UGT2A2: variants seen among roughly 807,000 people sequenced by gnomAD.
The protein encoded by UGT2A2 is UDP glucuronosyltransferase family 2 member A2.
Under a neutral mutation model 50.7 loss-of-function variants are expected in UGT2A2, and 60 were observed. The ratio of observed to expected loss-of-function variants is 1.18; its 90% CI spans 0.96 to 1.47. UGT2A2 has a LOEUF of 1.47. UGT2A2 is among the 40% of genes most tolerant of loss of function. UGT2A2 has a pLI of 0.00. For missense variants in UGT2A2, 762 were observed against 634.0 expected (o/e 1.20, Z -2.17); for synonymous variants, 242 against 214.6 (o/e 1.13, Z -1.11).
At chr4:69,630,646 A>G (rs1015465641) in intron 1 of UGT2A2, among the ~76,000 whole-genome samples, 16 of 152,180 alleles carry the variant, frequency 1.1e-4, no homozygotes, top group Non-Finnish European at 2.4e-4. Flanking sequence ...TTAAAATGAG[A>G]CATGTACTTT....
chr4:69,600,594 C>T (rs1719223574), intron 1 of UGT2A2, among the ~76,000 whole-genome samples: 1 of 152,120 alleles, frequency 6.6e-6, no homozygotes, highest in Non-Finnish European at 1.5e-5. Context: ...CTCTTATTCC[C>T]ATAAAGAAAT....
intron 1 of UGT2A2, among the ~76,000 whole-genome samples, chr4:69,601,597 C>G (rs1289232382): frequency 6.6e-6 from 1 of 152,110 alleles, no homozygotes; most frequent in Non-Finnish European, 1.5e-5. Context: ...TTTGGGTAAC[C>G]AGGAGGTCCT....
At chr4:69,609,229 T>A (rs558362433) in intron 1 of UGT2A2, among the ~76,000 whole-genome samples, 1 of 151,862 alleles carries the variant, frequency 6.6e-6, no homozygotes, top group Non-Finnish European at 1.5e-5. Flanking sequence ...CACAGCTCAC[T>A]GCAGCCTTGA....
At chr4:69,622,926 T>G (rs1720834199) in intron 1 of UGT2A2, among the ~76,000 whole-genome samples, 1 of 151,864 alleles carries the variant, frequency 6.6e-6, no homozygotes, top group African/African-American at 2.4e-5. Flanking sequence ...AATTAGGTCT[T>G]GGCTATAATT....
chr4:69,606,069 T>C (rs1371149329), intron 1 of UGT2A2, among the ~76,000 whole-genome samples: 1 of 136,628 alleles, frequency 7.3e-6, no homozygotes, highest in Non-Finnish European at 1.6e-5. Flanking sequence ...CTTAAATCAT[T>C]TTATGAGTCC....
intron 1 of UGT2A2, among the ~76,000 whole-genome samples, chr4:69,605,335 G>A (rs1279329918): frequency 1.5e-5 from 2 of 136,816 alleles, no homozygotes; most frequent in Non-Finnish European, 3.1e-5. Context: ...GGTACATAAC[G>A]AAATGAAGGC....
intron 5 of UGT2A2, among the ~76,000 whole-genome samples, chr4:69,591,987 CAATT>C (rs1212083622): frequency 6.6e-6 from 1 of 152,054 alleles, no homozygotes; most frequent in Non-Finnish European, 1.5e-5. Context: ...TAATAAAAGT[CAATT>C]AATTGGAATG....
In UGT2A2 at chr4:69,639,469, TG is replaced by T. The variant is rs1721930319; in HGVS notation, c.171del (p.His57GlnfsTer3). 1 of 1,613,054 alleles carries T rather than the reference TG, an allele frequency of 6.2e-7. No individual in the cohort carries two copies. The highest frequency in any genetic ancestry group is 1.3e-5 in the African/African-American group (1 of 74,902). On this transcript the variant is annotated frameshift_variant, in exon 1 of 6. Coordinates refer to ENST00000604629, the MANE Select transcript of UGT2A2 (RefSeq NM_001105677.2). LOFTEE classifies it high-confidence loss of function. The part of the protein sequence containing the change: ...IILEELIQRN[H>X]NVTVLASSAT... ...GCTGATGAAGCCAGTACAGTCACATTGTGATTTCTTTGAATCAACTCTTCTA... is the reference window on the plus strand; with the variant it reads ...GCTGATGAAGCCAGTACAGTCACATTTGATTTCTTTGAATCAACTCTTCTA...
intron 1 of UGT2A2, among the ~76,000 whole-genome samples, chr4:69,614,708 A>G (rs1469363263): frequency 1.3e-5 from 2 of 152,090 alleles, no homozygotes; most frequent in Non-Finnish European, 2.9e-5. Context: ...TGCCAAATAC[A>G]TACATTGGGA....
chr4:69,602,397 A>G (rs1719344713), intron 1 of UGT2A2, among the ~76,000 whole-genome samples: 1 of 137,414 alleles, frequency 7.3e-6, no homozygotes, highest in Non-Finnish European at 1.6e-5. Flanking sequence ...GACAACTTTA[A>G]TTCAACAATA....
chr4:69,632,692 T>C (rs992940202), intron 1 of UGT2A2, among the ~76,000 whole-genome samples: 8 of 152,054 alleles, frequency 5.3e-5, no homozygotes, highest in African/African-American at 1.9e-4. Flanking sequence ...GTTTGAGACC[T>C]GCCTGGCCAA....
intron 2 of UGT2A2, among the ~76,000 whole-genome samples, chr4:69,598,645 A>G (rs140677663): frequency 2.8e-4 from 43 of 152,166 alleles, no homozygotes; most frequent in Non-Finnish European, 4.0e-4. Context: ...AAATTACCAA[A>G]ACTCCTTTTT....
At chr4:69,629,304 C>A (rs1721258246) in intron 1 of UGT2A2, among the ~76,000 whole-genome samples, 1 of 151,986 alleles carries the variant, frequency 6.6e-6, no homozygotes, top group Admixed American at 6.6e-5. Flanking sequence ...GTTTACTTTG[C>A]AGGTCTGGAT....
chr4:69,639,153 A>G lies in UGT2A2; in HGVS notation c.488T>C (p.Ile163Thr). ...FDVLVADPVTICGDLVALKLG... is the reference protein window; with the variant it reads ...FDVLVADPVTTCGDLVALKLG... ...TTTCAGAGCAACAAGATCACCACAG[A>G]TTGTTACTGGGTCTGCTACCAACAC... is the stretch of plus-strand genomic sequence containing the variant. Residue 163 changes from isoleucine (I) to threonine (T), a missense_variant, in exon 1 of 6, where the codon ATC becomes ACC. Physicochemically the swap from Ile to Thr is moderately conservative, Grantham distance 89. Transcript: ENST00000604629. 6.2e-7 allele frequency: 1 copy of G among 1,613,640 alleles called. No individual in the cohort carries two copies. The highest frequency in any genetic ancestry group is 8.5e-7 in the Non-Finnish European group (1 of 1,179,740).
intron 1 of UGT2A2, among the ~76,000 whole-genome samples, chr4:69,607,682 C>T (rs895528803): frequency 3.7e-4 from 56 of 152,154 alleles, no homozygotes; most frequent in Non-Finnish European, 7.8e-4. Context: ...TGACAAAGGG[C>T]TAATATCCAG....
At position 69,634,335 on chromosome 4, in the gene UGT2A2, T is replaced by C. The variant is rs142939379; in HGVS notation, c.742+4564A>G. On this transcript the variant is annotated intron_variant, in intron 1 of 5. Coordinates refer to ENST00000604629, the MANE Select transcript of UGT2A2 (RefSeq NM_001105677.2). ...AGGAAAGCTACATATAAGAAGGAAT[T>C]GGAAGGCTTAGGTGACGAAAGATTA... Among the ~76,000 whole-genome samples the C allele has an allele frequency of 4.8e-4, 72 of 151,256 alleles. 1 individual carries two copies. The highest frequency in any genetic ancestry group is 1.6e-3 in the African/African-American group (64 of 41,284).
chr4:69,620,828 A>T (rs962502285), intron 1 of UGT2A2, among the ~76,000 whole-genome samples: 1 of 151,886 alleles, frequency 6.6e-6, no homozygotes, highest in African/African-American at 2.4e-5. Flanking sequence ...AGAGCTCATA[A>T]ATAAGGCTAC....
intron 1 of UGT2A2, among the ~76,000 whole-genome samples, chr4:69,627,218 T>C (rs1185253810): frequency 6.6e-6 from 1 of 151,882 alleles, no homozygotes; most frequent in African/African-American, 2.4e-5. Context: ...TTTACCTATT[T>C]GATAAGTCTT....
In UGT2A2 at chr4:69,638,879, A is replaced by G. The variant is rs753742769; in HGVS notation, c.742+20T>C. Reference sequence around the variant, plus strand: ...AATAAGGGATGTGGAGTCATTAAAAAGAGAAAATTTTAGACTTACCTAAAA... The same window carrying G: ...AATAAGGGATGTGGAGTCATTAAAAGGAGAAAATTTTAGACTTACCTAAAA... On this transcript the variant is annotated intron_variant, in intron 1 of 5. Coordinates refer to ENST00000604629, the MANE Select transcript of UGT2A2 (RefSeq NM_001105677.2). 1.1e-5 allele frequency: 17 copies of G among 1,535,814 alleles called. No homozygotes were observed. In the South Asian group the frequency reaches 2.0e-4, roughly 18 times the overall value.
Sources: allele counts gnomAD v4.1 joint callset (sites outside exome capture counted in the v4.1 genomes callset), GRCh38; gene constraint gnomAD v4.1.1; transcripts MANE v1.5; gene names NCBI Gene and HGNC (gene_info 2026-07-23, HGNC 2026-07-21).